HOMER1: variants seen among roughly 807,000 people sequenced by gnomAD.
HOMER1 encodes homer protein homolog 1.
HOMER1 carries 3 observed loss-of-function variants against 48.9 expected under a neutral mutation model. That is an observed-to-expected ratio of 0.06 (90% confidence interval 0.03 to 0.16). The LOEUF (loss-of-function observed/expected upper bound fraction) is 0.16, where lower values mean the gene tolerates loss of function less well. Among genes scored for constraint, HOMER1 ranks in the 10% least tolerant of loss-of-function variants. HOMER1 has a pLI of 1.00. For missense variants in HOMER1, 247 were observed against 411.4 expected (o/e 0.60, Z 3.46); for synonymous variants, 134 against 146.4 (o/e 0.92, Z 0.61).
chr5:79,448,205 G>C (rs1482116939), intron 3 of HOMER1, among the ~76,000 whole-genome samples: 1 of 152,142 alleles, frequency 6.6e-6, no homozygotes, highest in Non-Finnish European at 1.5e-5. Context: ...CAATTGAACA[G>C]AGTATCTCCA....
chr5:79,398,324 C>CACAA (rs1449164305), intron 6 of HOMER1, among the ~76,000 whole-genome samples: 2 of 150,802 alleles, frequency 1.3e-5, no homozygotes, highest in South Asian at 2.1e-4. Context: ...CACACACACA[C>CACAA]ACACACATGC....
chr5:79,420,829 C>G (rs529740317), intron 5 of HOMER1, among the ~76,000 whole-genome samples: 1 of 152,274 alleles, frequency 6.6e-6, no homozygotes, highest in South Asian at 2.1e-4. Context: ...TCACCTTTCA[C>G]CTGGCACAAA....
intron 5 of HOMER1, among the ~76,000 whole-genome samples, chr5:79,437,759 C>G (rs10072424): frequency 0.27 from 40,287 of 151,988 alleles, 5,468 homozygotes; most frequent in South Asian, 0.37. Context: ...CTCAAGTGAT[C>G]CTCCTTCCTC....
chr5:79,493,077 C>T (rs558948676), intron 1 of HOMER1, among the ~76,000 whole-genome samples: 2 of 152,124 alleles, frequency 1.3e-5, no homozygotes, highest in Non-Finnish European at 2.9e-5. Flanking sequence ...CACCACCACA[C>T]CTGGCTAATT....
chr5:79,386,290 G>A (rs1004269217), intron 8 of HOMER1, among the ~76,000 whole-genome samples: 2 of 152,128 alleles, frequency 1.3e-5, no homozygotes, highest in Non-Finnish European at 2.9e-5. Flanking sequence ...CCTTAAAAAG[G>A]AGTAAAATCA....
At chr5:79,470,046 G>A (rs1751576249) in intron 1 of HOMER1, among the ~76,000 whole-genome samples, 1 of 152,086 alleles carries the variant, frequency 6.6e-6, no homozygotes, top group African/African-American at 2.4e-5. Context: ...ATATAATACA[G>A]GAATACAATA....
chr5:79,377,103 T>C (rs560247754), intron 8 of HOMER1, among the ~76,000 whole-genome samples: 1 of 152,168 alleles, frequency 6.6e-6, no homozygotes, highest in South Asian at 2.1e-4. Flanking sequence ...GTAGCTGGGA[T>C]TACAGGCACA....
At chr5:79,455,483 C>T (rs930246727) in intron 2 of HOMER1, among the ~76,000 whole-genome samples, 6 of 152,206 alleles carry the variant, frequency 3.9e-5, no homozygotes, top group African/African-American at 1.4e-4. Context: ...TCCTGCCGCC[C>T]TGTGAAGACG....
At chr5:79,465,072 C>T (rs1751418675) in intron 1 of HOMER1, among the ~76,000 whole-genome samples, 1 of 151,932 alleles carries the variant, frequency 6.6e-6, no homozygotes, top group African/African-American at 2.4e-5. Flanking sequence ...CACAGTGGCT[C>T]ACCTCTGTAG....
At position 79,490,932 on chromosome 5, in the gene HOMER1, G is replaced by A. The variant is rs184817163; in HGVS notation, c.5+21838C>T. On this transcript the variant is annotated intron_variant, in intron 1 of 8. Coordinates refer to ENST00000334082, the MANE Select transcript of HOMER1 (RefSeq NM_004272.5). The stretch of plus-strand genomic sequence containing the variant: ...AGAGCAAGACCCTGTCTCTAAAACA[G>A]CTAAGTAAATAAATAGATAAATAGA... 6.1e-4 allele frequency among the ~76,000 whole-genome samples: 91 copies of A among 150,234 alleles called. 5 individuals carry two copies. The highest frequency in any genetic ancestry group is 2.1e-3 in the African/African-American group (86 of 40,896).
intron 1 of HOMER1, among the ~76,000 whole-genome samples, chr5:79,468,620 C>G (rs996060056): frequency 1.3e-5 from 2 of 152,124 alleles, no homozygotes; most frequent in Admixed American, 1.3e-4. Context: ...ATTTCCTTAT[C>G]GACAGACATA....
chr5:79,409,863 A>G (rs1749769517), intron 5 of HOMER1, among the ~76,000 whole-genome samples: 2 of 152,148 alleles, frequency 1.3e-5, no homozygotes, highest in South Asian at 4.1e-4. Flanking sequence ...AAAAAACAAA[A>G]TCAGTGTTGG....
At chr5:79,469,351 G>A (rs998373721) in intron 1 of HOMER1, among the ~76,000 whole-genome samples, 1 of 152,134 alleles carries the variant, frequency 6.6e-6, no homozygotes, top group African/African-American at 2.4e-5. Flanking sequence ...AAACTCCTGA[G>A]TGTTTTTCAA....
intron 3 of HOMER1, among the ~76,000 whole-genome samples, chr5:79,447,889 C>G (rs910310643): frequency 5.3e-5 from 8 of 152,154 alleles, no homozygotes; most frequent in Non-Finnish European, 8.8e-5. Flanking sequence ...TAAGTTAAGA[C>G]TACATAATAA....
intron 1 of HOMER1, among the ~76,000 whole-genome samples, chr5:79,464,622 C>T (rs1019796880): frequency 1.3e-5 from 2 of 152,152 alleles, no homozygotes; most frequent in South Asian, 2.1e-4. Context: ...AAACTCCACA[C>T]GATTATCAGG....
At chr5:79,510,595 AAAG>A (rs1220650283) in intron 1 of HOMER1, 26 of 826,858 alleles carry the variant, frequency 3.1e-5, no homozygotes, top group Admixed American at 5.2e-5. Flanking sequence ...AGAAGGGCCT[AAAG>A]AAGATGCAGG....
In HOMER1 at chr5:79,456,763, C is replaced by T; in HGVS notation, c.162+99G>A. 4.8e-6 allele frequency: 5 copies of T among 1,051,296 alleles called. No homozygotes were observed. In the South Asian group the frequency reaches 1.0e-4, roughly 22 times the overall value. 65.1% of individuals were successfully genotyped at this position (1,051,296 alleles called of 1,614,324 possible). A position where few individuals can be genotyped will look rare whatever the true frequency, so the allele number is the denominator to read the frequency against. On this transcript the variant is annotated intron_variant, in intron 2 of 8. Coordinates refer to ENST00000334082, the MANE Select transcript of HOMER1 (RefSeq NM_004272.5). Reference sequence around the variant, plus strand: ...AAAGTTTTAAGAACTCAAAAGGAAACATTTTATATTAATGAAGATAAAATG... The same window carrying T: ...AAAGTTTTAAGAACTCAAAAGGAAATATTTTATATTAATGAAGATAAAATG...
chr5:79,461,147 A>G (rs1751307098), intron 1 of HOMER1, among the ~76,000 whole-genome samples: 1 of 152,204 alleles, frequency 6.6e-6, no homozygotes, highest in Non-Finnish European at 1.5e-5. Context: ...GCATGTCCGT[A>G]ATTTCCATTT....
chr5:79,454,305 A>G (rs1751105815), intron 2 of HOMER1, among the ~76,000 whole-genome samples: 1 of 152,108 alleles, frequency 6.6e-6, no homozygotes, highest in South Asian at 2.1e-4. Context: ...TTTGTATACA[A>G]CATTTAACTC....
Sources: allele counts gnomAD v4.1 joint callset (sites outside exome capture counted in the v4.1 genomes callset), GRCh38; gene constraint gnomAD v4.1.1; transcripts MANE v1.5; gene names NCBI Gene and HGNC (gene_info 2026-07-23, HGNC 2026-07-21).